The following DGKB variants were observed in gnomAD, a reference collection of about 807,000 sequenced individuals.
DGKB encodes diacylglycerol kinase beta.
A neutral mutation model predicts 114.3 loss-of-function variants in DGKB; 67 were observed. The ratio of observed to expected loss-of-function variants is 0.59; its 90% CI spans 0.48 to 0.72. DGKB has a LOEUF of 0.72. Among genes scored for constraint, DGKB ranks in the 30% least tolerant of loss-of-function variants. The pLI, the probability that DGKB is intolerant of heterozygous loss-of-function variation, is 0.00. For synonymous variants in DGKB, 398 were observed against 323.1 expected, an observed-to-expected ratio of 1.23 and a Z score of -2.49; for missense variants, 907 against 975.2, an observed-to-expected ratio of 0.93 and a Z score of 0.93.
At chr7:14,856,022 T>C (rs1226517458) in intron 1 of DGKB, among the ~76,000 whole-genome samples, 2 of 96,316 alleles carry the variant, frequency 2.1e-5, no homozygotes, top group Non-Finnish European at 4.3e-5. Flanking sequence ...CACACACACA[T>C]AATTAACATA....
chr7:14,939,098 TTATCTTTAA>T (rs1785422533), intron 1 of DGKB, among the ~76,000 whole-genome samples: 1 of 152,134 alleles, frequency 6.6e-6, no homozygotes, highest in Non-Finnish European at 1.5e-5. Flanking sequence ...CTATTTCTCT[TTATCTTTAA>T]TATCATGTTA....
At chr7:14,910,282 GA>G in intron 1 of DGKB, among the ~76,000 whole-genome samples, 1 of 125,502 alleles carries the variant, frequency 8.0e-6, no homozygotes, top group Non-Finnish European at 1.9e-5. Flanking sequence ...AAGAAAGAAA[GA>G]AAGAAAGAAA....
intron 23 of DGKB, among the ~76,000 whole-genome samples, chr7:14,267,241 C>G (rs1007482922): frequency 1.2e-4 from 19 of 152,164 alleles, no homozygotes; most frequent in Non-Finnish European, 1.5e-4. Flanking sequence ...TATCTCAACA[C>G]TTGGTCTTGG....
chr7:14,728,689 A>G (rs913023680), intron 5 of DGKB, among the ~76,000 whole-genome samples: 1 of 129,848 alleles, frequency 7.7e-6, no homozygotes, highest in Non-Finnish European at 1.6e-5. Flanking sequence ...CTCAAGCTGC[A>G]CTTTCCAGCC....
intron 20 of DGKB, among the ~76,000 whole-genome samples, chr7:14,567,459 TTATATATTTATATATTA>T (rs1265307243): frequency 1.2e-3 from 91 of 73,242 alleles, no homozygotes; most frequent in African/African-American, 5.1e-3. Context: ...TTATATATAA[TTATATATTTATATATTA>T]TATATATTTA....
At chr7:14,876,676 T>C (rs924577630) in intron 1 of DGKB, among the ~76,000 whole-genome samples, 4 of 152,352 alleles carry the variant, frequency 2.6e-5, no homozygotes, top group African/African-American at 9.6e-5. Context: ...GTTGCTTTCC[T>C]GGACTCGTTA....
chr7:14,391,611 A>T (rs1358134798), intron 21 of DGKB, among the ~76,000 whole-genome samples: 2 of 152,092 alleles, frequency 1.3e-5, no homozygotes, highest in African/African-American at 2.4e-5. Context: ...AGGTGAGAGG[A>T]TCACTTGAGC....
At chr7:14,677,319 T>A (rs1820044244) in intron 12 of DGKB, among the ~76,000 whole-genome samples, 1 of 151,936 alleles carries the variant, frequency 6.6e-6, no homozygotes, top group Non-Finnish European at 1.5e-5. Context: ...AGAAATAAGC[T>A]ACTTTTCTAA....
intron 1 of DGKB, among the ~76,000 whole-genome samples, chr7:14,958,426 A>ACCACAC (rs1786641254): frequency 8.1e-6 from 1 of 122,816 alleles, no homozygotes; most frequent in African/African-American, 3.2e-5. Flanking sequence ...TACCTCTCCC[A>ACCACAC]ACACACACAC....
intron 1 of DGKB, among the ~76,000 whole-genome samples, chr7:14,946,126 G>T (rs1218803931): frequency 7.1e-6 from 1 of 140,494 alleles, no homozygotes; most frequent in East Asian, 1.9e-4. Context: ...GATTTGTTGA[G>T]AATATATATA....
chr7:14,757,927 T>A (rs757386417), intron 2 of DGKB, among the ~76,000 whole-genome samples, 196 bp from the exon 3 acceptor site: 78 of 152,072 alleles, frequency 5.1e-4, no homozygotes, highest in Non-Finnish European at 9.0e-4. Context: ...AGCAAAAAGA[T>A]CACTGCATTA....
chr7:14,635,866 C>T (rs112746072), intron 13 of DGKB, among the ~76,000 whole-genome samples: 127 of 151,492 alleles, frequency 8.4e-4, no homozygotes, highest in South Asian at 5.6e-3. Context: ...CCTATAAAAA[C>T]GAGAGCCAGT....
intron 21 of DGKB, among the ~76,000 whole-genome samples, chr7:14,414,174 C>A (rs1362330553): frequency 6.6e-6 from 1 of 152,002 alleles, no homozygotes; most frequent in African/African-American, 2.4e-5. Context: ...ATACCCTTTA[C>A]AAATGTCTGG....
intron 13 of DGKB, among the ~76,000 whole-genome samples, chr7:14,647,353 C>T (rs1280592386): frequency 6.6e-6 from 1 of 152,060 alleles, no homozygotes; most frequent in African/African-American, 2.4e-5. Context: ...ACAACAACAA[C>T]AACAACAAGG....
intron 23 of DGKB, among the ~76,000 whole-genome samples, chr7:14,265,501 T>C (rs1013882755): frequency 1.3e-5 from 2 of 151,998 alleles, no homozygotes; most frequent in African/African-American, 4.8e-5. Flanking sequence ...CATCCCTTCC[T>C]TGGCCAGGCT....
At chr7:14,516,609 T>C (rs1360191147) in intron 20 of DGKB, among the ~76,000 whole-genome samples, 1 of 152,174 alleles carries the variant, frequency 6.6e-6, no homozygotes, top group Non-Finnish European at 1.5e-5. Flanking sequence ...AAGTTATATT[T>C]CTAGGCATTT....
intron 20 of DGKB, among the ~76,000 whole-genome samples, chr7:14,549,290 C>T (rs1248593878): frequency 6.6e-6 from 1 of 152,000 alleles, no homozygotes; most frequent in African/African-American, 2.4e-5. Flanking sequence ...AAGTTTTAGG[C>T]ATGTGATAGG....
chr7:14,185,831 C>T (rs1783340024), intron 23 of DGKB, among the ~76,000 whole-genome samples: 1 of 152,172 alleles, frequency 6.6e-6, no homozygotes, highest in African/African-American at 2.4e-5. Context: ...AAGAATAAAA[C>T]TGGATCCTTA....
chr7:14,508,203 G>A (rs1787404243), intron 20 of DGKB, among the ~76,000 whole-genome samples: 1 of 152,134 alleles, frequency 6.6e-6, no homozygotes, highest in Admixed American at 6.5e-5. Flanking sequence ...ACTATACACT[G>A]AGACTAAATA....
Sources: allele counts gnomAD v4.1 joint callset (sites outside exome capture counted in the v4.1 genomes callset), GRCh38; gene constraint gnomAD v4.1.1; transcripts MANE v1.5; gene names NCBI Gene and HGNC (gene_info 2026-07-23, HGNC 2026-07-21).